Variants in SNTG1 observed in about 807,000 individuals in gnomAD.
SNTG1 encodes gamma-1-syntrophin.
A neutral mutation model predicts 74.7 loss-of-function variants in SNTG1; 39 were observed. The ratio of observed to expected loss-of-function variants is 0.52; its 90% CI spans 0.40 to 0.68. The LOEUF (loss-of-function observed/expected upper bound fraction) is 0.68, where lower values mean the gene tolerates loss of function less well. Among genes scored for constraint, SNTG1 ranks in the 30% least tolerant of loss-of-function variants. The probability of loss-of-function intolerance (pLI) is 0.00; values close to 1 mark genes in which losing one functional copy is unlikely to be tolerated. For synonymous variants in SNTG1, 254 were observed against 217.1 expected, an observed-to-expected ratio of 1.17 and a Z score of -1.49; for missense variants, 685 against 609.5, an observed-to-expected ratio of 1.12 and a Z score of -1.30.
At chr8:50,361,845 C>A (rs1454987116) in intron 2 of SNTG1, among the ~76,000 whole-genome samples, 1 of 152,082 alleles carries the variant, frequency 6.6e-6, no homozygotes, top group Non-Finnish European at 1.5e-5. Context: ...AAGGTAATTG[C>A]AACACTATAG....
Position 50,479,775 on chromosome 8 carries a change from T to A in SNTG1, c.364-23003T>A, listed in dbSNP as rs541635898. Among the ~76,000 whole-genome samples, 10 of 152,092 alleles carry A rather than the reference T, an allele frequency of 6.6e-5. No homozygotes were observed. The South Asian group carries it at 2.1e-3, about 32-fold the overall frequency. On this transcript the variant is annotated intron_variant, in intron 8 of 18. Transcript: ENST00000642720. ...TCTACCGTTTCATGTTGCCTCACAC[T>A]CCCCTGTTGAAGTTTTCCAAGACAT... is the stretch of plus-strand genomic sequence containing the variant.
intron 2 of SNTG1, among the ~76,000 whole-genome samples, chr8:50,315,565 A>G (rs1587089902): frequency 1.3e-5 from 2 of 150,108 alleles, no homozygotes; most frequent in East Asian, 2.0e-4. Context: ...GGAGAATCAT[A>G]TTGAAATGTT....
At chr8:50,493,001 A>G (rs2093871939) in intron 8 of SNTG1, among the ~76,000 whole-genome samples, 1 of 152,204 alleles carries the variant, frequency 6.6e-6, no homozygotes, top group Non-Finnish European at 1.5e-5. Flanking sequence ...AGGCCTCAGA[A>G]ATAACACCAC....
chr8:50,084,795 T>C (rs1001003622), intron 1 of SNTG1, among the ~76,000 whole-genome samples: 2 of 152,196 alleles, frequency 1.3e-5, no homozygotes, highest in Non-Finnish European at 2.9e-5. Flanking sequence ...GCTGTTATTG[T>C]GGGAGTGTGT....
intron 1 of SNTG1, among the ~76,000 whole-genome samples, chr8:50,092,901 G>A (rs1333130265): frequency 6.6e-6 from 1 of 152,142 alleles, no homozygotes; most frequent in East Asian, 1.9e-4. Context: ...GGGAGAGAGT[G>A]TAATTCAATA....
At chr8:50,541,775 T>G (rs573426484) in intron 11 of SNTG1, among the ~76,000 whole-genome samples, 1 of 152,116 alleles carries the variant, frequency 6.6e-6, no homozygotes, top group East Asian at 1.9e-4. Flanking sequence ...TATACTATAC[T>G]ATATATTTGT....
At chr8:50,276,489 A>G (rs994791824) in intron 2 of SNTG1, among the ~76,000 whole-genome samples, 5 of 151,594 alleles carry the variant, frequency 3.3e-5, no homozygotes, top group Non-Finnish European at 4.4e-5. Flanking sequence ...CTAGAAGGCA[A>G]TGATTTTAAC....
chr8:50,679,769 A>T (rs2095323799), intron 15 of SNTG1, among the ~76,000 whole-genome samples: 1 of 152,174 alleles, frequency 6.6e-6, no homozygotes, highest in Non-Finnish European at 1.5e-5. Context: ...TGACACTAAG[A>T]GGATGGATTT....
At chr8:50,246,866 C>G (rs574454937) in intron 2 of SNTG1, among the ~76,000 whole-genome samples, 1 of 152,152 alleles carries the variant, frequency 6.6e-6, no homozygotes, top group Admixed American at 6.5e-5. Flanking sequence ...TCTTTTTAGC[C>G]ATTGCTTCAA....
intron 1 of SNTG1, among the ~76,000 whole-genome samples, chr8:50,136,207 G>A (rs567715344): frequency 3.0e-4 from 46 of 152,184 alleles, no homozygotes; most frequent in Non-Finnish European, 4.1e-4. Context: ...ATAGTACTGC[G>A]ATGAACTTAT....
chr8:50,777,342 CT>C (rs1244245023), intron 18 of SNTG1, among the ~76,000 whole-genome samples: 1 of 149,770 alleles, frequency 6.7e-6, no homozygotes, highest in Non-Finnish European at 1.5e-5. Flanking sequence ...CTGGTTAATT[CT>C]CACAATTCTT....
At chr8:50,734,099 A>C (rs1243525994) in intron 17 of SNTG1, among the ~76,000 whole-genome samples, 1 of 151,730 alleles carries the variant, frequency 6.6e-6, no homozygotes, top group Non-Finnish European at 1.5e-5. Flanking sequence ...CCAAAGACTT[A>C]ATTGCCCCAA....
intron 2 of SNTG1, among the ~76,000 whole-genome samples, chr8:50,212,656 A>G (rs1431295137): frequency 6.6e-6 from 1 of 152,164 alleles, no homozygotes; most frequent in Non-Finnish European, 1.5e-5. Context: ...GTGGTATGAG[A>G]CAGTTAATTC....
intron 1 of SNTG1, among the ~76,000 whole-genome samples, chr8:49,977,896 C>G (rs1368648597): frequency 5.9e-5 from 9 of 152,180 alleles, no homozygotes; most frequent in Admixed American, 1.3e-4. Context: ...GTTAGACGGT[C>G]TTCAGTTGGC....
intron 12 of SNTG1, among the ~76,000 whole-genome samples, chr8:50,559,946 A>C (rs748880087): frequency 6.6e-6 from 1 of 152,310 alleles, no homozygotes; most frequent in Non-Finnish European, 1.5e-5. Flanking sequence ...CAACCTACAG[A>C]ATGGGAGAAA....
intron 12 of SNTG1, among the ~76,000 whole-genome samples, chr8:50,558,048 C>A (rs1012163855): frequency 6.6e-6 from 1 of 152,152 alleles, no homozygotes; most frequent in Non-Finnish European, 1.5e-5. Context: ...CTCCAGAAAT[C>A]CAAGGCTCTT....
At chr8:49,944,693 C>T (rs866930957) in intron 1 of SNTG1, among the ~76,000 whole-genome samples, 5 of 150,364 alleles carry the variant, frequency 3.3e-5, no homozygotes, top group African/African-American at 9.8e-5. Flanking sequence ...CTAACCTGCA[C>T]ATTGTGCACA....
intron 17 of SNTG1, among the ~76,000 whole-genome samples, chr8:50,719,998 C>T (rs980378889): frequency 1.3e-5 from 2 of 152,012 alleles, no homozygotes; most frequent in African/African-American, 4.8e-5. Flanking sequence ...AGATGAAATA[C>T]ATTTGAGGGA....
At chr8:50,370,477 T>C (rs1166531686) in intron 2 of SNTG1, among the ~76,000 whole-genome samples, 1 of 152,142 alleles carries the variant, frequency 6.6e-6, no homozygotes, top group African/African-American at 2.4e-5. Flanking sequence ...TTTTTGCCAG[T>C]AGAGGAGGCT....
Sources: gnomAD v4.1 joint callset for allele counts (sites outside exome capture counted in the v4.1 genomes callset) on GRCh38, gnomAD v4.1.1 for gene constraint, MANE v1.5 for transcripts, NCBI Gene and HGNC (gene_info 2026-07-23, HGNC 2026-07-21) for gene names.